TRIM24: variants seen among roughly 807,000 people sequenced by gnomAD.
TRIM24 encodes tripartite motif containing 24, also known as transcription intermediary factor 1-alpha.
Under a neutral mutation model 123.9 loss-of-function variants are expected in TRIM24, and 29 were observed. That is an observed-to-expected ratio of 0.23 (90% CI 0.17 to 0.32). TRIM24 has a LOEUF of 0.32. TRIM24 is among the 10% of genes least tolerant of loss of function. The pLI, the probability that TRIM24 is intolerant of heterozygous loss-of-function variation, is 1.00. For missense variants in TRIM24, 932 were observed against 1,295.3 expected (o/e 0.72, Z 4.31); for synonymous variants, 456 against 461.1 (o/e 0.99, Z 0.14).
At chr7:138,483,520 ATTTTATATAGATC>A (rs1243803006) in intron 1 of TRIM24, among the ~76,000 whole-genome samples, 2 of 152,200 alleles carry the variant, frequency 1.3e-5, no homozygotes, top group African/African-American at 2.4e-5. Context: ...TTGCTGTAGG[ATTTTATATAGATC>A]TTTTATAAGC....
rs1204765313 is a variant in TRIM24, at chr7:138,460,718, C to T, written c.170C>T (p.Ala57Val). 2 of 1,570,872 alleles carry T rather than the reference C, an allele frequency of 1.3e-6. No homozygotes were observed. Among genetic ancestry groups the T allele is most frequent in the Non-Finnish European group, 1.7e-6 (2 of 1,162,172 alleles). Residue 57 changes from alanine to valine, a missense_variant, in exon 1 of 19, where the codon GCC becomes GTC. Ala to Val is a moderately conservative substitution (Grantham distance 64, BLOSUM62 0). Transcript: ENST00000343526. ...AARLNLLDTC[A>V]VCHQNIQSRA... is the part of the protein sequence containing the mutation. ...CGGCTCAACCTGTTGGACACTTGCG[C>T]CGTGTGCCACCAGAACATCCAGAGC...
chr7:138,584,433 A>G (rs1006362486), intron 18 of TRIM24, among the ~76,000 whole-genome samples: 1 of 152,206 alleles, frequency 6.6e-6, no homozygotes, highest in African/African-American at 2.4e-5. Context: ...ATAGTACTAC[A>G]TTTAATTTGT....
chr7:138,580,365 C>T (rs553120900), intron 15 of TRIM24, among the ~76,000 whole-genome samples, 197 bp from the exon 16 acceptor site: 5 of 151,998 alleles, frequency 3.3e-5, no homozygotes, highest in Non-Finnish European at 5.9e-5. Context: ...GTTTGTTAGG[C>T]CCTTGCATTA....
chr7:138,469,782 T>C (rs1233055597), intron 1 of TRIM24, among the ~76,000 whole-genome samples: 2 of 152,162 alleles, frequency 1.3e-5, no homozygotes, highest in Non-Finnish European at 2.9e-5. Flanking sequence ...TTAAAGTACT[T>C]GATATATAGT....
chr7:138,530,655 G>C (rs903295921), intron 6 of TRIM24, among the ~76,000 whole-genome samples: 1 of 151,676 alleles, frequency 6.6e-6, no homozygotes, highest in Admixed American at 6.6e-5. Context: ...TTTTAAGAGG[G>C]GGGGTTTTGA....
chr7:138,564,505 T>C (rs536650773), intron 9 of TRIM24, among the ~76,000 whole-genome samples: 41 of 152,362 alleles, frequency 2.7e-4, no homozygotes, highest in Non-Finnish European at 5.0e-4. Flanking sequence ...ACTTTTTCTT[T>C]GTCTCCGTAT....
At chr7:138,564,073 G>C (rs183541985) in intron 9 of TRIM24, among the ~76,000 whole-genome samples, 1 of 152,314 alleles carries the variant, frequency 6.6e-6, no homozygotes, top group African/African-American at 2.4e-5. Flanking sequence ...TGTGTGTCTG[G>C]AAGATGGATT....
rs1398993648 is a variant in TRIM24, at chr7:138,460,728, C to G, written c.180C>G (p.His60Gln). The G allele has an allele frequency of 3.2e-6, 5 of 1,573,584 alleles. No individual in the cohort carries two copies. Among genetic ancestry groups the G allele is most frequent in the Non-Finnish European group, 4.3e-6 (5 of 1,163,236 alleles). Reference sequence around the variant, plus strand: ...TGTTGGACACTTGCGCCGTGTGCCACCAGAACATCCAGAGCCGGGCGCCCA... The same window carrying G: ...TGTTGGACACTTGCGCCGTGTGCCAGCAGAACATCCAGAGCCGGGCGCCCA... Reference protein sequence around the residue: ...LNLLDTCAVCHQNIQSRAPKL... With the variant: ...LNLLDTCAVCQQNIQSRAPKL... The change falls in exon 1 of 19, where the codon CAC becomes CAG. Residue 60 changes from histidine (H) to glutamine (Q), a missense_variant. Around this residue, in one of 7 missense-constraint regions of TRIM24, gnomAD observed 164 missense variants for 181.9 expected, o/e 0.90. Transcript: ENST00000343526.
intron 14 of TRIM24, among the ~76,000 whole-genome samples, chr7:138,578,532 T>TTGTGTGTGTGTGTG (rs142839380): frequency 1.6e-4 from 23 of 146,894 alleles, no homozygotes; most frequent in African/African-American, 5.7e-4. Flanking sequence ...GGTGGTGGTT[T>TTGTGTGTGTGTGTG]TGTGTGTGTG....
At chr7:138,583,016 G>GC (rs1797935622) in intron 17 of TRIM24, among the ~76,000 whole-genome samples, 1 of 152,146 alleles carries the variant, frequency 6.6e-6, no homozygotes, top group African/African-American at 2.4e-5. Flanking sequence ...TGACAAAGTA[G>GC]CCCCCTTTTT....
chr7:138,474,523 T>G (rs745927671), intron 1 of TRIM24, among the ~76,000 whole-genome samples: 6 of 152,256 alleles, frequency 3.9e-5, no homozygotes, highest in Non-Finnish European at 5.9e-5. Context: ...TTGTGCCATA[T>G]TTAAGAAATC....
At chr7:138,575,398 T>TCCTC (rs1369907630) in intron 12 of TRIM24, among the ~76,000 whole-genome samples, 1 of 151,774 alleles carries the variant, frequency 6.6e-6, no homozygotes, top group East Asian at 1.9e-4. Flanking sequence ...GCTCTAGTGA[T>TCCTC]CCTCCTGCTT....
chr7:138,520,602 A>T (rs902635907), intron 4 of TRIM24, among the ~76,000 whole-genome samples: 2 of 152,076 alleles, frequency 1.3e-5, no homozygotes, highest in Non-Finnish European at 2.9e-5. Context: ...AGGTGGGAGG[A>T]TTGCTTGAGC....
chr7:138,471,484 TATAA>T (rs1468033418), intron 1 of TRIM24, among the ~76,000 whole-genome samples: 1 of 151,974 alleles, frequency 6.6e-6, no homozygotes, highest in Admixed American at 6.5e-5. Context: ...TTTTTTCTAA[TATAA>T]ATAATCTATA....
In TRIM24 at chr7:138,551,148, C is replaced by CTAG; in HGVS notation, c.1231_1233dup (p.Ser411dup). ...AACACCATCCAATTTCACTGTGATC[C>CTAG]TAGTTTCTGGGCTCAAAATATCATC... is the stretch of plus-strand genomic sequence containing the variant. On this transcript the variant is annotated inframe_insertion, in exon 8 of 19. Coordinates refer to ENST00000343526, the MANE Select transcript of TRIM24 (RefSeq NM_015905.3). 6.2e-7 allele frequency: 1 copy of CTAG among 1,613,760 alleles called. No individual in the cohort carries two copies. Among genetic ancestry groups the CTAG allele is most frequent in the Non-Finnish European group, 8.5e-7 (1 of 1,179,716 alleles).
intron 12 of TRIM24, among the ~76,000 whole-genome samples, chr7:138,574,228 C>A (rs6953840): frequency 1 from 151,899 of 152,358 alleles, 75,721 homozygotes; most frequent in African/African-American, 1. Context: ...CAATAAGTAG[C>A]AATCACTCTT....
intron 11 of TRIM24, among the ~76,000 whole-genome samples, chr7:138,571,624 A>G (rs1239002686): frequency 6.6e-6 from 1 of 152,242 alleles, no homozygotes; most frequent in Non-Finnish European, 1.5e-5. Flanking sequence ...AAATCCTGTT[A>G]GATCATACTG....
intron 1 of TRIM24, among the ~76,000 whole-genome samples, chr7:138,471,843 GTA>G (rs1365844597): frequency 2.0e-5 from 3 of 152,064 alleles, no homozygotes; most frequent in Non-Finnish European, 4.4e-5. Context: ...ACCCGGCCTG[GTA>G]TAATACATTT....
intron 6 of TRIM24, among the ~76,000 whole-genome samples, chr7:138,530,561 G>A (rs1233739184): frequency 6.6e-6 from 1 of 151,966 alleles, no homozygotes; most frequent in Non-Finnish European, 1.5e-5. Flanking sequence ...CCACCTCCTG[G>A]TCTCAGGTGA....
Sources: gnomAD v4.1 joint callset for allele counts (sites outside exome capture counted in the v4.1 genomes callset) on GRCh38, gnomAD v4.1.1 for gene constraint, gnomAD v4.1.1 regional missense constraint, MANE v1.5 for transcripts, NCBI Gene and HGNC (gene_info 2026-07-23, HGNC 2026-07-21) for gene names.